DLGAP2: variants seen among roughly 807,000 people sequenced by gnomAD.
DLGAP2 encodes the protein DLG associated protein 2, also known as disks large-associated protein 2.
A neutral mutation model predicts 100.3 loss-of-function variants in DLGAP2; 26 were observed. The ratio of observed to expected loss-of-function variants is 0.26; its 90% confidence interval spans 0.19 to 0.36. DLGAP2 has a LOEUF of 0.36. Among genes scored for constraint, DLGAP2 ranks in the 10% least tolerant of loss-of-function variants. The pLI is 1.00. For synonymous variants in DLGAP2, 886 were observed against 630.1 expected (o/e 1.41, Z -6.08); for missense variants, 1,858 against 1,453.2 (o/e 1.28, Z -4.53).
rs71528625 is a variant in DLGAP2, at chr8:960,237, C to CTTTTTTTTTTTTTTTT, written c.73+52286_73+52287insTTTTTTTTTTTTTTTT. ...TTGGGCAATTATTCCTGAAGTATAT[C>CTTTTTTTTTTTTTTTT]TTTTTTTTTTTTTTTCCCGAGACAC... On this transcript the variant is annotated intron_variant, in intron 2 of 14. Coordinates refer to ENST00000637795, the MANE Select transcript of DLGAP2 (RefSeq NM_001346810.2). Among the ~76,000 whole-genome samples, 67 of 44,652 alleles carry CTTTTTTTTTTTTTTTT rather than the reference C, an allele frequency of 1.5e-3. 18 individuals are homozygous for CTTTTTTTTTTTTTTTT. Among genetic ancestry groups the CTTTTTTTTTTTTTTTT allele is most frequent in the African/African-American group, 5.4e-3 (61 of 11,366 alleles). The allele number at this position is 44,652 out of a possible 152,430, so 29.3% of individuals were successfully genotyped here. A position where few individuals can be genotyped will look rare whatever the true frequency, so the allele number is the denominator to read the frequency against.
intron 2 of DLGAP2, among the ~76,000 whole-genome samples, chr8:1,115,346 C>T (rs1469714058): frequency 6.6e-6 from 1 of 152,068 alleles, no homozygotes; most frequent in African/African-American, 2.4e-5. Context: ...GTCTCTAAGC[C>T]CTGCTTTATG....
Position 1,703,766 on chromosome 8 carries a change from T to C in DLGAP2, c.*2360T>C, listed in dbSNP as rs1799635028. 6.6e-6 allele frequency: 1 copy of C among 152,464 alleles called. No homozygotes were observed. 9.4% of individuals were successfully genotyped at this position (152,464 alleles called of 1,614,324 possible). A position where few individuals can be genotyped will look rare whatever the true frequency, so the allele number is the denominator to read the frequency against. ...AAAATGTTCACTGCATGTAGGTTGA[T>C]TTCTTATGTTTTGTAGACTCATTGT... On this transcript the variant is annotated 3_prime_UTR_variant, in exon 15 of 15. Coordinates refer to ENST00000637795, the MANE Select transcript of DLGAP2 (RefSeq NM_001346810.2).
intron 8 of DLGAP2, among the ~76,000 whole-genome samples, chr8:1,641,319 C>T (rs1797893323): frequency 6.6e-6 from 1 of 152,114 alleles, no homozygotes; most frequent in South Asian, 2.1e-4. Flanking sequence ...AAGATTTTCC[C>T]CAAGTGTGTA....
intron 1 of DLGAP2, among the ~76,000 whole-genome samples, chr8:745,892 C>T (rs538000629): frequency 1.3e-5 from 2 of 152,354 alleles, no homozygotes; most frequent in East Asian, 3.9e-4. Context: ...AGGATACCGA[C>T]TCCAGAAAGA....
At chr8:1,132,611 T>C (rs1011907136) in intron 2 of DLGAP2, among the ~76,000 whole-genome samples, 33 of 152,330 alleles carry the variant, frequency 2.2e-4, no homozygotes, top group Admixed American at 7.2e-4. Context: ...AGCCAGATGC[T>C]CACACCGAAG....
intron 2 of DLGAP2, among the ~76,000 whole-genome samples, chr8:1,203,721 A>C (rs916993304): frequency 6.6e-6 from 1 of 152,206 alleles, no homozygotes; most frequent in Admixed American, 6.5e-5. Flanking sequence ...AACCACACAC[A>C]CAAATGATTT....
intron 1 of DLGAP2, among the ~76,000 whole-genome samples, chr8:834,276 C>G (rs181453512): frequency 6.6e-6 from 1 of 152,208 alleles, no homozygotes; most frequent in Non-Finnish European, 1.5e-5. Flanking sequence ...TGGGGCAGAG[C>G]CAGTCCTGTA....
rs146358616 is a variant in DLGAP2, at chr8:1,233,322, C to T, written c.74-25529C>T. ...GAATATTTGCCACGTGATATATTTACAGAGATGAGTCAGGCCTGGCCTGTG... is the reference window on the plus strand; with the variant it reads ...GAATATTTGCCACGTGATATATTTATAGAGATGAGTCAGGCCTGGCCTGTG... On this transcript the variant is annotated intron_variant, in intron 2 of 14. Coordinates refer to ENST00000637795, the MANE Select transcript of DLGAP2 (RefSeq NM_001346810.2). Among the ~76,000 whole-genome samples, 1,032 of 152,322 alleles carry T rather than the reference C, an allele frequency of 6.8e-3. 10 individuals carry two copies. Among genetic ancestry groups the T allele is most frequent in the Middle Eastern group, 0.031 (9 of 294 alleles).
At chr8:1,196,429 G>A (rs912217166) in intron 2 of DLGAP2, among the ~76,000 whole-genome samples, 5 of 152,156 alleles carry the variant, frequency 3.3e-5, no homozygotes, top group African/African-American at 7.2e-5. Flanking sequence ...TGTTAATGCT[G>A]AGTGAGTGAA....
At chr8:1,004,004 T>A (rs1054588929) in intron 2 of DLGAP2, among the ~76,000 whole-genome samples, 4 of 152,184 alleles carry the variant, frequency 2.6e-5, no homozygotes, top group African/African-American at 9.6e-5. Context: ...TTTTTACCAT[T>A]TTTTTTATTC....
chr8:1,298,186 G>A (rs112253423), intron 3 of DLGAP2, among the ~76,000 whole-genome samples: 1,937 of 152,028 alleles, frequency 0.013, 50 homozygotes, highest in African/African-American at 0.044. Context: ...AATGTGGCGT[G>A]CATGAACGGA....
intron 14 of DLGAP2, 127 bp downstream of exon 14, chr8:1,697,426 C>G (rs1211830071): frequency 1.5e-6 from 2 of 1,352,354 alleles, no homozygotes; most frequent in Non-Finnish European, 2.0e-6. Context: ...GCAAATTTCC[C>G]TCTATGTATG....
intron 3 of DLGAP2, among the ~76,000 whole-genome samples, chr8:1,352,841 C>A (rs1563100839): frequency 6.6e-6 from 1 of 152,188 alleles, no homozygotes; most frequent in Non-Finnish European, 1.5e-5. Context: ...AAGTCATTCT[C>A]TGGAGACGCA....
At chr8:1,527,194 C>G (rs1165857478) in intron 4 of DLGAP2, among the ~76,000 whole-genome samples, 1 of 152,240 alleles carries the variant, frequency 6.6e-6, no homozygotes, top group African/African-American at 2.4e-5. Flanking sequence ...TGGTGTGCAC[C>G]TCGTCCTCTT....
chr8:1,651,941 G>A (rs886340619), intron 8 of DLGAP2, among the ~76,000 whole-genome samples: 1 of 152,206 alleles, frequency 6.6e-6, no homozygotes, highest in African/African-American at 2.4e-5. Context: ...AGCACTCAGA[G>A]CCTCGTCAGA....
chr8:1,252,000 C>A (rs1010837359), intron 2 of DLGAP2, among the ~76,000 whole-genome samples: 1 of 151,240 alleles, frequency 6.6e-6, no homozygotes, highest in African/African-American at 2.4e-5. Context: ...GGTGTTGTCA[C>A]GTGGGTGTGT....
chr8:911,960 A>G (rs892234873), intron 2 of DLGAP2, among the ~76,000 whole-genome samples: 1 of 152,190 alleles, frequency 6.6e-6, no homozygotes, highest in African/African-American at 2.4e-5. Context: ...CAGAATTGCA[A>G]TGACATTTGG....
At chr8:773,623 T>G (rs1821426420) in intron 1 of DLGAP2, among the ~76,000 whole-genome samples, 1 of 151,458 alleles carries the variant, frequency 6.6e-6, no homozygotes, top group South Asian at 2.1e-4. Flanking sequence ...TTGCGATAGT[T>G]TACTGAGAAT....
intron 2 of DLGAP2, among the ~76,000 whole-genome samples, chr8:1,076,316 C>G (rs758098640): frequency 6.6e-6 from 1 of 152,264 alleles, no homozygotes; most frequent in African/African-American, 2.4e-5. Context: ...TCACACGGCA[C>G]TGACACAGAC....
Sources: gnomAD v4.1 joint callset for allele counts (sites outside exome capture counted in the v4.1 genomes callset) on GRCh38, gnomAD v4.1.1 for gene constraint, MANE v1.5 for transcripts, NCBI Gene and HGNC (gene_info 2026-07-23, HGNC 2026-07-21) for gene names.